The following SLC9A7 variants were observed in gnomAD, a reference collection of about 807,000 sequenced individuals.
SLC9A7 encodes the protein sodium/hydrogen exchanger 7.
SLC9A7 carries 19 observed loss-of-function variants against 52.6 expected under a neutral mutation model. The ratio of observed to expected loss-of-function variants is 0.36; its 90% confidence interval spans 0.25 to 0.53. SLC9A7 has a LOEUF of 0.53. Among genes scored for constraint, SLC9A7 ranks in the 20% least tolerant of loss-of-function variants. SLC9A7 has a pLI of 0.91. For synonymous variants in SLC9A7, 226 were observed against 252.1 expected (o/e 0.90, Z 0.98); for missense variants, 455 against 597.9 (o/e 0.76, Z 2.49).
chrX:46,651,310 T>C lies in SLC9A7; in HGVS notation c.1236+6A>G. On this transcript the variant is annotated splice_donor_region_variant and intron_variant, in intron 9 of 16. Transcript: ENST00000616978. ...GCAACTCGTGAGTACCAAGCCTCTC[T>C]CTCACCTGCTTGGTTCGACTTCTTG... 8.3e-7 allele frequency: 1 copy of C among 1,204,492 alleles called. No individual in the cohort carries two copies. The highest frequency in any genetic ancestry group is 1.1e-6 in the Non-Finnish European group (1 of 889,546).
chrX:46,671,401 C>A (rs1390602252), intron 4 of SLC9A7, among the ~76,000 whole-genome samples: 1 of 109,644 alleles, frequency 9.1e-6, no homozygotes, highest in East Asian at 2.9e-4. Flanking sequence ...GCTGGGACTA[C>A]AGGCGCCCGC....
chrX:46,728,622 G>C (rs1602279491), intron 1 of SLC9A7, among the ~76,000 whole-genome samples: 1 of 112,192 alleles, frequency 8.9e-6, no homozygotes, highest in East Asian at 2.8e-4. Context: ...ATGCAGCCAA[G>C]GAATCTCACC....
At chrX:46,622,162 G>C (rs1216863714) in intron 14 of SLC9A7, among the ~76,000 whole-genome samples, 8 of 111,864 alleles carry the variant, frequency 7.2e-5, no homozygotes, top group Non-Finnish European at 1.3e-4. Context: ...GGTATTTCAG[G>C]AATGTTTAGT....
intron 5 of SLC9A7, among the ~76,000 whole-genome samples, chrX:46,665,813 C>G (rs1223734537): frequency 9.1e-6 from 1 of 110,080 alleles, no homozygotes; most frequent in Admixed American, 9.8e-5. Context: ...GGCATGTGTT[C>G]TCTGGTGGCT....
intron 1 of SLC9A7, among the ~76,000 whole-genome samples, chrX:46,755,506 C>A (rs192031791): frequency 4.5e-5 from 5 of 110,974 alleles, no homozygotes; most frequent in African/African-American, 1.6e-4. Context: ...GAGAAGTAGG[C>A]GTCAAATTGA....
chrX:46,678,684 G>A (rs974089658), intron 3 of SLC9A7, among the ~76,000 whole-genome samples: 1 of 109,986 alleles, frequency 9.1e-6, no homozygotes, highest in Non-Finnish European at 1.9e-5. Flanking sequence ...AGAAGCTCTG[G>A]CCCAACCTTG....
intron 1 of SLC9A7, among the ~76,000 whole-genome samples, chrX:46,697,987 A>G (rs1944473234): frequency 9.0e-6 from 1 of 111,570 alleles, no homozygotes; most frequent in Admixed American, 9.5e-5. Context: ...CCAATCTCCC[A>G]TAGCACTCCC....
At chrX:46,709,401 T>G (rs1944654796) in intron 1 of SLC9A7, among the ~76,000 whole-genome samples, 1 of 110,875 alleles carries the variant, frequency 9.0e-6, no homozygotes, top group African/African-American at 3.3e-5. Flanking sequence ...AGTGAGACTC[T>G]GTTCTCAAAA....
intron 1 of SLC9A7, among the ~76,000 whole-genome samples, chrX:46,690,764 C>T (rs757974830): frequency 8.9e-6 from 1 of 112,098 alleles, no homozygotes; most frequent in Non-Finnish European, 1.9e-5. Flanking sequence ...CTGATACAAT[C>T]TGAGTTAACT....
intron 5 of SLC9A7, among the ~76,000 whole-genome samples, chrX:46,668,750 A>AG (rs1219747539): frequency 8.9e-6 from 1 of 111,761 alleles, no homozygotes; most frequent in Non-Finnish European, 1.9e-5. Context: ...GCTGCAGGGA[A>AG]GGGGGACTGG....
At chrX:46,753,478 C>G (rs1306302573) in intron 1 of SLC9A7, among the ~76,000 whole-genome samples, 1 of 111,963 alleles carries the variant, frequency 8.9e-6, no homozygotes, top group East Asian at 2.8e-4. Flanking sequence ...TATGTGTGGA[C>G]AGTAGCCTTA....
At chrX:46,713,987 T>A (rs763214968) in intron 1 of SLC9A7, among the ~76,000 whole-genome samples, 1 of 110,660 alleles carries the variant, frequency 9.0e-6, no homozygotes, top group East Asian at 2.8e-4. Flanking sequence ...TCTACCTCAA[T>A]ATACTATACT....
chrX:46,607,837 G>A (rs2146665167), intron 16 of SLC9A7, among the ~76,000 whole-genome samples: 1 of 111,476 alleles, frequency 9.0e-6, no homozygotes, highest in East Asian at 2.8e-4. Context: ...GAGTGTCGGA[G>A]ACGGCACGAG....
At chrX:46,754,343 C>CA (rs782676663) in intron 1 of SLC9A7, among the ~76,000 whole-genome samples, 6 of 111,439 alleles carry the variant, frequency 5.4e-5, no homozygotes, top group Admixed American at 9.6e-5. Context: ...AGAGTTTATC[C>CA]AATGCTATAC....
At chrX:46,722,358 TA>T (rs769692570) in intron 1 of SLC9A7, among the ~76,000 whole-genome samples, 3 of 111,529 alleles carry the variant, frequency 2.7e-5, no homozygotes, top group African/African-American at 9.8e-5. Context: ...TCCATAGCTT[TA>T]AAAAAAACAC....
intron 1 of SLC9A7, among the ~76,000 whole-genome samples, chrX:46,716,132 T>C (rs1944764919): frequency 9.0e-6 from 1 of 111,144 alleles, no homozygotes; most frequent in Non-Finnish European, 1.9e-5. Context: ...CAAGTGAAGA[T>C]GGGTACTGAA....
At position 46,663,635 on chromosome X, in the gene SLC9A7, T is replaced by C. The variant is rs1357589825; in HGVS notation, c.794-992A>G. 1.2e-4 allele frequency among the ~76,000 whole-genome samples: 5 copies of C among 43,022 alleles called. No homozygotes were observed. The East Asian group carries it at 3.7e-3, about 31-fold the overall frequency. The allele number at this position is 43,022 out of a possible 115,157, so 37.4% of individuals were successfully genotyped here. On this transcript the variant is annotated intron_variant, in intron 5 of 16. Transcript: ENST00000616978. ...CCTGGGCAACAAGAGTGAAACTCCA[T>C]CTCAAAAAAAAAAAAAAAAAAAAGG... is the stretch of plus-strand genomic sequence containing the variant.
At chrX:46,628,200 G>A (rs1397639888) in intron 14 of SLC9A7, among the ~76,000 whole-genome samples, 2 of 112,107 alleles carry the variant, frequency 1.8e-5, no homozygotes, top group African/African-American at 6.5e-5. Context: ...ACTCAGGGAA[G>A]GAAGTGAATG....
chrX:46,743,041 A>AC (rs1182230521), intron 1 of SLC9A7, among the ~76,000 whole-genome samples: 2 of 109,836 alleles, frequency 1.8e-5, no homozygotes, highest in South Asian at 8.0e-4. Context: ...ACACAGTGAG[A>AC]CCCCATCTCA....
Sources: gnomAD v4.1 joint callset for allele counts (sites outside exome capture counted in the v4.1 genomes callset) on GRCh38, gnomAD v4.1.1 for gene constraint, MANE v1.5 for transcripts, NCBI Gene and HGNC (gene_info 2026-07-23, HGNC 2026-07-21) for gene names.